Variants in DNAH5 observed in about 807,000 individuals in gnomAD.
DNAH5 encodes the protein axonemal beta dynein heavy chain 5.
In DNAH5, 372 loss-of-function variants were observed where a neutral mutation model predicts 518.2. The ratio of observed to expected loss-of-function variants is 0.72; its 90% CI spans 0.66 to 0.78. DNAH5 has a LOEUF of 0.78. Ranked by LOEUF, DNAH5 falls within the 30% of genes least tolerant of loss-of-function variation. The pLI, the probability that DNAH5 is intolerant of heterozygous loss-of-function variation, is 0.00. For missense variants in DNAH5, 5,523 were observed against 5,687.0 expected (o/e 0.97, Z 0.93); for synonymous variants, 2,039 against 2,025.9 (o/e 1.01, Z -0.17).
In DNAH5 at chr5:13,717,466, A is replaced by C; in HGVS notation, c.12554T>G (p.Leu4185Arg). The C allele has an allele frequency of 6.2e-7, 1 of 1,614,186 alleles. No homozygotes were observed. ...GGAGTGCAGGAAAGCCACTGCGTAC[A>C]GCATGGGCTTCCACTGGGACCCAGA... The part of the protein sequence containing the change: ...VSSGSQWKPM[L>R]YAVAFLHSTV... Residue 4185 changes from leucine (L) to arginine (R), a missense_variant, in exon 73 of 79, where the codon CTG (leucine) becomes CGG (arginine). Physicochemically the swap from Leu to Arg is moderately radical, Grantham distance 102 (BLOSUM62 -2). Coordinates refer to ENST00000265104, the MANE Select transcript of DNAH5 (RefSeq NM_001369.3).
At chr5:13,898,190 C>T in intron 15 of DNAH5, 1 of 173,110 alleles carries the variant, frequency 5.8e-6, no homozygotes, top group Non-Finnish European at 1.2e-5. Context: ...CCTATGCAAG[C>T]CCCACTCAAG....
chr5:13,708,157 A>T lies in DNAH5; in HGVS notation c.13304T>A (p.Met4435Lys). Residue 4435 changes from methionine (M) to lysine (K), a missense_variant, in exon 76 of 79, where the codon ATG becomes AAG. Met to Lys is a moderately conservative substitution (Grantham distance 95, BLOSUM62 -1). Around this residue, in one of 3 missense-constraint regions of DNAH5, gnomAD observed 387 missense variants for 430.0 expected, o/e 0.90. Transcript: ENST00000265104. ...SENLRDALDC[M>K]FDARIPAWWK... ...CCAAGCAGGGATTCTAGCATCAAACATGCAATCCAATGCATCTCGCAGATT... is the reference window on the plus strand; with the variant it reads ...CCAAGCAGGGATTCTAGCATCAAACTTGCAATCCAATGCATCTCGCAGATT... 1 of 1,614,190 alleles carries T rather than the reference A, an allele frequency of 6.2e-7. No homozygotes were observed. Among genetic ancestry groups the T allele is most frequent in the Non-Finnish European group, 8.5e-7 (1 of 1,180,006 alleles).
At chr5:13,965,983 C>T (rs886071640) in intron 1 of DNAH5, among the ~76,000 whole-genome samples, 1 of 151,646 alleles carries the variant, frequency 6.6e-6, no homozygotes, top group Admixed American at 6.6e-5. Flanking sequence ...TCCCTCACCC[C>T]CCTCCCATCC....
rs551472327 is a variant in DNAH5, at chr5:13,750,770, A to G, written c.11211+308T>C. The stretch of plus-strand genomic sequence containing the variant: ...ATAATAGAACACACTTTTCAGAACA[A>G]TCAAGTAATTTAAGAACAAAGTAAT... On this transcript the variant is annotated intron_variant, in intron 65 of 78. Transcript: ENST00000265104. Among the ~76,000 whole-genome samples the G allele has an allele frequency of 2.8e-4, 42 of 152,370 alleles. No homozygotes were observed. In the East Asian group the frequency reaches 7.5e-3, roughly 27 times the overall value.
intron 1 of DNAH5, among the ~76,000 whole-genome samples, chr5:13,966,193 A>T (rs1230404658): frequency 2.0e-5 from 3 of 150,922 alleles, no homozygotes; most frequent in Non-Finnish European, 4.4e-5. Flanking sequence ...GCTGAGTAGT[A>T]TTCCATGGTG....
At chr5:13,698,988 G>A (rs1168250245) in intron 78 of DNAH5, among the ~76,000 whole-genome samples, 1 of 152,046 alleles carries the variant, frequency 6.6e-6, no homozygotes, top group Non-Finnish European at 1.5e-5. Flanking sequence ...TTCTTTTATG[G>A]CTATCACCCC....
At chr5:13,837,456 G>A (rs1764542210) in intron 35 of DNAH5, among the ~76,000 whole-genome samples, 1 of 151,904 alleles carries the variant, frequency 6.6e-6, no homozygotes, top group Non-Finnish European at 1.5e-5. Context: ...TGGAGTCAGT[G>A]GGGGTGTTGG....
Position 13,793,922 on chromosome 5 carries a change from T to C in DNAH5, c.8010+14A>G, listed in dbSNP as rs371543607. The C allele has an allele frequency of 4.3e-6, 7 of 1,613,618 alleles. No homozygotes were observed. In the African/African-American group the frequency reaches 8.0e-5, roughly 18 times the overall value. On this transcript the variant is annotated intron_variant, in intron 48 of 78. Transcript: ENST00000265104. Reference sequence around the variant, plus strand: ...CAAATTAAAGAAATAAAATGCACAATAGAATGATGATACCTGATCTCCCCA... The same window carrying C: ...CAAATTAAAGAAATAAAATGCACAACAGAATGATGATACCTGATCTCCCCA...
chr5:13,883,110 AC>A lies in DNAH5; in HGVS notation c.2984-17del, dbSNP rs1334486312. Reference sequence around the variant, plus strand: ...CTGTTACTGTCTGAGTTAACCCAAAACAAGGAAGAATTCACATTTTTAATAC... The same window carrying A: ...CTGTTACTGTCTGAGTTAACCCAAAAAAGGAAGAATTCACATTTTTAATAC... On this transcript the variant is annotated splice_polypyrimidine_tract_variant and intron_variant, in intron 19 of 78. Coordinates refer to ENST00000265104, the MANE Select transcript of DNAH5 (RefSeq NM_001369.3). 1 of 1,612,414 alleles carries A rather than the reference AC, an allele frequency of 6.2e-7. No individual in the cohort carries two copies. The highest frequency in any genetic ancestry group is 1.1e-5 in the South Asian group (1 of 91,068).
rs148276823 is a variant in DNAH5, at chr5:13,781,898, G to T, written c.8821-939C>A. Among the ~76,000 whole-genome samples, 681 of 152,262 alleles carry T rather than the reference G, an allele frequency of 4.5e-3. 6 individuals carry two copies. Among genetic ancestry groups the T allele is most frequent in the Non-Finnish European group, 6.8e-3 (463 of 68,030 alleles). ...ATACCTAAGGTATCTACCAATAAGT[G>T]ATTATAGATGGGTCAGGGGGGCCAC... is the stretch of plus-strand genomic sequence containing the variant. On this transcript the variant is annotated intron_variant, in intron 52 of 78. Coordinates refer to ENST00000265104, the MANE Select transcript of DNAH5 (RefSeq NM_001369.3).
At chr5:13,814,530 T>C in intron 43 of DNAH5, 75 bp downstream of exon 43, 1 of 1,486,028 alleles carries the variant, frequency 6.7e-7, no homozygotes, top group Non-Finnish European at 9.3e-7. Flanking sequence ...TGCAGAAAAA[T>C]TGGCACACAC....
chr5:13,701,198 T>G lies in DNAH5; in HGVS notation c.13491+86A>C, dbSNP rs1031538106. 4.0e-5 allele frequency: 62 copies of G among 1,568,732 alleles called. No homozygotes were observed. In the African/African-American group the frequency reaches 8.4e-4, roughly 21 times the overall value. On this transcript the variant is annotated intron_variant, in intron 77 of 78. Coordinates refer to ENST00000265104, the MANE Select transcript of DNAH5 (RefSeq NM_001369.3). The stretch of plus-strand genomic sequence containing the variant: ...CAAAAAGAGACAGTCATTCTCTGTC[T>G]TATTATAGTCTTTAAAACTATAATG...
At chr5:13,972,529 T>C (rs561518037) in intron 1 of DNAH5, among the ~76,000 whole-genome samples, 37 of 152,318 alleles carry the variant, frequency 2.4e-4, no homozygotes, top group African/African-American at 8.4e-4. Flanking sequence ...CTGCTTCCTC[T>C]ACCTCTGCAT....
In DNAH5 at chr5:13,724,188, C is replaced by T. The variant is rs188736014; in HGVS notation, c.12034-2943G>A. 8.3e-4 allele frequency among the ~76,000 whole-genome samples: 127 copies of T among 152,356 alleles called. 1 individual carries two copies. The highest frequency in any genetic ancestry group is 2.9e-3 in the African/African-American group (120 of 41,586). Reference sequence around the variant, plus strand: ...ATAATTCCAGGCATTACTCGGTCTCCCCATCTTCTCAAAGTTTTGGGAGCC... The same window carrying T: ...ATAATTCCAGGCATTACTCGGTCTCTCCATCTTCTCAAAGTTTTGGGAGCC... On this transcript the variant is annotated intron_variant, in intron 70 of 78. Coordinates refer to ENST00000265104, the MANE Select transcript of DNAH5 (RefSeq NM_001369.3).
In DNAH5 at chr5:13,850,185, A is replaced by C. The variant is rs568913630; in HGVS notation, c.5114+467T>G. ...TTAACCAAAGGAAAAAAAAACAAAC[A>C]AAAAAACTTTATGACTCTTGGAATT... On this transcript the variant is annotated intron_variant, in intron 31 of 78. Coordinates refer to ENST00000265104, the MANE Select transcript of DNAH5 (RefSeq NM_001369.3). 3.9e-5 allele frequency among the ~76,000 whole-genome samples: 6 copies of C among 152,346 alleles called. No individual in the cohort carries two copies. The East Asian group carries it at 1.2e-3, about 29-fold the overall frequency.
rs1175302897 is a variant in DNAH5, at chr5:13,737,508, A to C, written c.11212-13T>G. 6.2e-7 allele frequency: 1 copy of C among 1,612,842 alleles called. No homozygotes were observed. Among genetic ancestry groups the C allele is most frequent in the African/African-American group, 1.3e-5 (1 of 74,882 alleles). ...CTTTCTCCAATTCCTATTAATTTGCATAAATATATTTTCTACCTCAATTAA... is the reference window on the plus strand; with the variant it reads ...CTTTCTCCAATTCCTATTAATTTGCCTAAATATATTTTCTACCTCAATTAA... On this transcript the variant is annotated splice_polypyrimidine_tract_variant and intron_variant, in intron 65 of 78. Coordinates refer to ENST00000265104, the MANE Select transcript of DNAH5 (RefSeq NM_001369.3).
At chr5:13,950,425 C>T (rs531242135) in intron 1 of DNAH5, among the ~76,000 whole-genome samples, 113 of 152,096 alleles carry the variant, frequency 7.4e-4, no homozygotes, top group Non-Finnish European at 1.5e-3. Context: ...TACAGGCATG[C>T]GCCACCACGC....
At position 13,778,491 on chromosome 5, in the gene DNAH5, GAA is replaced by G. The variant is rs1491191714; in HGVS notation, c.8952-1138_8952-1137del. The stretch of plus-strand genomic sequence containing the variant: ...AGAAGGAAGGAAAGAAGGAAGGAAG[GAA>G]GGAAGGGAGGGAGGGAGGGAGGGGA... On this transcript the variant is annotated intron_variant, in intron 53 of 78. Coordinates refer to ENST00000265104, the MANE Select transcript of DNAH5 (RefSeq NM_001369.3). Among the ~76,000 whole-genome samples the G allele has an allele frequency of 1.5e-4, 15 of 100,330 alleles. 1 individual carries two copies. The South Asian group carries it at 4.9e-3, about 33-fold the overall frequency. 65.8% of individuals were successfully genotyped at this position (100,330 alleles called of 152,430 possible).
upstream of DNAH5, among the ~76,000 whole-genome samples, chr5:13,947,082 G>A (rs534070014): frequency 6.6e-6 from 1 of 152,240 alleles, no homozygotes; most frequent in Non-Finnish European, 1.5e-5. Flanking sequence ...AATAAAAAAT[G>A]GTTATTCTTG....
Sources: allele counts gnomAD v4.1 joint callset (sites outside exome capture counted in the v4.1 genomes callset), GRCh38; gene constraint gnomAD v4.1.1; regional missense constraint gnomAD v4.1.1; transcripts MANE v1.5; gene names NCBI Gene and HGNC (gene_info 2026-07-23, HGNC 2026-07-21).